Variants in KLF12 observed in about 807,000 individuals in gnomAD.
KLF12 encodes the protein KLF transcription factor 12.
In KLF12, 9 loss-of-function variants were observed where a neutral mutation model predicts 37.8. That is an observed-to-expected ratio of 0.24 (90% CI 0.14 to 0.42). The LOEUF is 0.42. Among genes scored for constraint, KLF12 ranks in the 10% least tolerant of loss-of-function variants. The pLI, the probability that KLF12 is intolerant of heterozygous loss-of-function variation, is 1.00. For synonymous variants in KLF12, 208 were observed against 202.1 expected (o/e 1.03, Z -0.25); for missense variants, 411 against 516.0 (o/e 0.80, Z 1.97).
chr13:74,042,604 C>T (rs938580850), intron 1 of KLF12, among the ~76,000 whole-genome samples: 3 of 152,154 alleles, frequency 2.0e-5, no homozygotes, highest in Admixed American at 6.5e-5. Context: ...ATCCTAGGTA[C>T]AGTCTGAATG....
At chr13:74,034,992 CA>C (rs373186213) in intron 1 of KLF12, among the ~76,000 whole-genome samples, 18 of 152,192 alleles carry the variant, frequency 1.2e-4, no homozygotes, top group African/African-American at 3.4e-4. Flanking sequence ...ATTACTTCCT[CA>C]AGGGAACACA....
intron 1 of KLF12, among the ~76,000 whole-genome samples, chr13:74,089,589 T>G (rs1263176265): frequency 2.0e-5 from 3 of 152,004 alleles, no homozygotes; most frequent in South Asian, 2.1e-4. Flanking sequence ...AAAAATTAAA[T>G]TATATACCAT....
chr13:74,164,994 A>G, the KLF12 span, among the ~76,000 whole-genome samples: 1 of 152,188 alleles, frequency 6.6e-6, no homozygotes, highest in Non-Finnish European at 1.5e-5. Flanking sequence ...TGATAGCACA[A>G]CAGGGTGACT....
At chr13:73,792,014 A>C (rs1881714038) in intron 5 of KLF12, among the ~76,000 whole-genome samples, 1 of 152,238 alleles carries the variant, frequency 6.6e-6, no homozygotes. Flanking sequence ...ATAGACATGT[A>C]GTTCCTATGT....
intron 6 of KLF12, among the ~76,000 whole-genome samples, chr13:73,738,124 T>TATATATATATATATAC (rs1305200790): frequency 1.1e-4 from 9 of 81,908 alleles, no homozygotes; most frequent in East Asian, 2.7e-4. Flanking sequence ...TATATATATA[T>TATATATATATATATAC]ACACACACAC....
At chr13:73,761,543 C>G (rs890481970) in intron 6 of KLF12, among the ~76,000 whole-genome samples, 2 of 152,144 alleles carry the variant, frequency 1.3e-5, no homozygotes, top group Admixed American at 1.3e-4. Flanking sequence ...AATTGCACGC[C>G]CTTGAAGCTC....
At chr13:74,069,568 G>C (rs1021547660) in intron 1 of KLF12, among the ~76,000 whole-genome samples, 1 of 152,130 alleles carries the variant, frequency 6.6e-6, no homozygotes, top group Non-Finnish European at 1.5e-5. Context: ...GGAGGACAAT[G>C]TTATTTGAGT....
At chr13:73,796,445 C>A (rs1484621641) in intron 5 of KLF12, among the ~76,000 whole-genome samples, 1 of 151,038 alleles carries the variant, frequency 6.6e-6, no homozygotes, top group Non-Finnish European at 1.5e-5. Context: ...AACCCATTTT[C>A]GTGGTGCTTC....
At chr13:74,209,678 G>T in the KLF12 span, among the ~76,000 whole-genome samples, 1 of 152,236 alleles carries the variant, frequency 6.6e-6, no homozygotes, top group South Asian at 2.1e-4. Flanking sequence ...ATTGTAGGTT[G>T]TTCATTCACA....
At chr13:74,149,398 C>A in the KLF12 span, among the ~76,000 whole-genome samples, 1 of 152,100 alleles carries the variant, frequency 6.6e-6, no homozygotes, top group Non-Finnish European at 1.5e-5. Context: ...AATAAAAATT[C>A]CTTCTTTTCA....
chr13:73,874,428 C>T (rs148350256), intron 3 of KLF12, among the ~76,000 whole-genome samples: 132 of 152,296 alleles, frequency 8.7e-4, no homozygotes, highest in African/African-American at 3.2e-3. Flanking sequence ...ATTAGTGACT[C>T]TTACTAGCAG....
chr13:73,708,816 A>T (rs1875143381), intron 7 of KLF12, among the ~76,000 whole-genome samples: 1 of 152,222 alleles, frequency 6.6e-6, no homozygotes. Flanking sequence ...TTAAATGACC[A>T]TATTAATTTA....
At chr13:74,023,535 T>C (rs1892898872) in intron 1 of KLF12, among the ~76,000 whole-genome samples, 1 of 152,328 alleles carries the variant, frequency 6.6e-6, no homozygotes, top group Non-Finnish European at 1.5e-5. Flanking sequence ...TGCCTTTCTC[T>C]GAGTTTCTGG....
chr13:73,887,657 T>C (rs112712430), intron 3 of KLF12, among the ~76,000 whole-genome samples: 640 of 63,838 alleles, frequency 0.01, 4 homozygotes, highest in African/African-American at 0.03. Context: ...TTAATAGCAA[T>C]GCAAAAAAAG....
intron 1 of KLF12, among the ~76,000 whole-genome samples, chr13:74,118,924 A>C (rs912447108): frequency 1.3e-5 from 2 of 152,234 alleles, no homozygotes; most frequent in Admixed American, 6.5e-5. Flanking sequence ...AGAAAACTAA[A>C]GGAGAAAAAG....
intron 2 of KLF12, among the ~76,000 whole-genome samples, chr13:73,971,763 C>T (rs1052332873): frequency 6.6e-6 from 1 of 152,164 alleles, no homozygotes; most frequent in South Asian, 2.1e-4. Flanking sequence ...GGCACAATGG[C>T]TCCTGACTGT....
chr13:73,897,644 T>G (rs936285408), intron 3 of KLF12, among the ~76,000 whole-genome samples: 10 of 152,196 alleles, frequency 6.6e-5, no homozygotes, highest in African/African-American at 2.4e-4. Flanking sequence ...CTATTTCTCT[T>G]CACACCTGTT....
At chr13:74,159,183 C>T in the KLF12 span, among the ~76,000 whole-genome samples, 18 of 152,184 alleles carry the variant, frequency 1.2e-4, no homozygotes, top group Non-Finnish European at 2.6e-4. Flanking sequence ...CACTGGAGAT[C>T]CCTGTGCCCA....
At chr13:74,054,412 G>A (rs1873123207) in intron 1 of KLF12, among the ~76,000 whole-genome samples, 1 of 152,192 alleles carries the variant, frequency 6.6e-6, no homozygotes, top group South Asian at 2.1e-4. Context: ...CCCACGGAGA[G>A]TCAGCTCACC....
Sources: allele counts gnomAD v4.1 joint callset (sites outside exome capture counted in the v4.1 genomes callset), GRCh38; gene constraint gnomAD v4.1.1; transcripts MANE v1.5; gene names NCBI Gene and HGNC (gene_info 2026-07-23, HGNC 2026-07-21).